The following PPM1K variants were observed in gnomAD, a reference collection of about 807,000 sequenced individuals.
PPM1K encodes the protein protein phosphatase Mn(2+)-dependent 1K.
PPM1K carries 19 observed loss-of-function variants against 32.6 expected under a neutral mutation model. The observed-to-expected ratio is 0.58, with a 90% CI of 0.41 to 0.86. PPM1K has a LOEUF of 0.86. Among genes scored for constraint, PPM1K ranks in the 40% least tolerant of loss-of-function variants. The probability of loss-of-function intolerance (pLI) is 0.00; values close to 1 mark genes in which losing one functional copy is unlikely to be tolerated. For synonymous variants in PPM1K, 159 were observed against 165.3 expected, an observed-to-expected ratio of 0.96 and a Z score of 0.29; for missense variants, 362 against 461.2, an observed-to-expected ratio of 0.78 and a Z score of 1.97.
intron 1 of PPM1K, among the ~76,000 whole-genome samples, chr4:88,282,140 T>A (rs1319974789): frequency 6.6e-6 from 1 of 152,194 alleles, no homozygotes; most frequent in African/African-American, 2.4e-5. Context: ...GAGATTTAGG[T>A]CAATTTTTTG....
intron 3 of PPM1K, among the ~76,000 whole-genome samples, chr4:88,272,994 C>T (rs541930034): frequency 1.4e-4 from 22 of 152,256 alleles, no homozygotes; most frequent in South Asian, 2.1e-4. Context: ...TCACACATGC[C>T]GGGCAGAAAA....
At chr4:88,272,455 T>G (rs1440228368) in intron 3 of PPM1K, among the ~76,000 whole-genome samples, 1 of 152,228 alleles carries the variant, frequency 6.6e-6, no homozygotes, top group Non-Finnish European at 1.5e-5. Flanking sequence ...CGGAGCTTTG[T>G]TGCTTTCAAA....
rs908231029 is a variant in PPM1K at position 88,277,202 on chromosome 4, G to A, written c.482C>T (p.Thr161Ile). 3 of 1,613,910 alleles carry A rather than the reference G, an allele frequency of 1.9e-6. No homozygotes were observed. The highest frequency in any genetic ancestry group is 1.7e-5 in the Admixed American group (1 of 59,988). ...TTTATCTATTTCTAGAAAAGCCAAG[G>A]TCAACAGAGTTTCCAAGTTCTTCTC... The part of the protein sequence containing the change: ...PKEKNLETLL[T>I]LAFLEIDKAF... Residue 161 changes from threonine to isoleucine, a missense_variant, in exon 3 of 7, where the codon ACC becomes ATC. Thr to Ile is a moderately conservative substitution (Grantham distance 89). Coordinates refer to ENST00000608933, the MANE Select transcript of PPM1K (RefSeq NM_152542.5).
intron 1 of PPM1K, chr4:88,284,024 G>C (rs959177299): frequency 6.6e-6 from 1 of 152,328 alleles, no homozygotes; most frequent in Admixed American, 6.5e-5. Flanking sequence ...CTCGCTTCCG[G>C]GGCCTCGGGC....
At chr4:88,264,664 T>A (rs1731239022) in intron 6 of PPM1K, among the ~76,000 whole-genome samples, 1 of 152,236 alleles carries the variant, frequency 6.6e-6, no homozygotes, top group Non-Finnish European at 1.5e-5. Context: ...TTGTGATGAT[T>A]ACAATATATG....
chr4:88,282,431 AG>A (rs745545962), intron 1 of PPM1K, among the ~76,000 whole-genome samples: 12 of 152,246 alleles, frequency 7.9e-5, no homozygotes, highest in Non-Finnish European at 1.6e-4. Context: ...AGTGGCATTT[AG>A]GTATCTACAA....
rs1731711792 is a variant in PPM1K, at chr4:88,275,094, ATATCT to A, written c.541+2044_541+2048del. 7.2e-6 allele frequency: 5 copies of A among 695,044 alleles called. No individual in the cohort carries two copies. The African/African-American group carries it at 7.8e-5, about 11-fold the overall frequency. 43.1% of individuals were successfully genotyped at this position (695,044 alleles called of 1,614,324 possible). On this transcript the variant is annotated intron_variant, in intron 3 of 6. Transcript: ENST00000608933. ...CATTATATGAAAAATACATTTTAAA[ATATCT>A]TAAGAATGTTCTGGGATCATTACTT... is the stretch of plus-strand genomic sequence containing the variant.
chr4:88,278,763 A>G lies in PPM1K; in HGVS notation c.-59-121T>C. 1.7e-6 allele frequency: 1 copy of G among 571,476 alleles called. No individual in the cohort carries two copies. Among genetic ancestry groups the G allele is most frequent in the Non-Finnish European group, 3.1e-6 (1 of 325,762 alleles). The allele number at this position is 571,476 out of a possible 1,614,324, so 35.4% of individuals were successfully genotyped here. On this transcript the variant is annotated intron_variant, in intron 1 of 6. Transcript: ENST00000608933. This position sits in a 1 kb window ranked among gnomAD's most constrained non-coding sequence, Gnocchi z 4.2. ...TTGAATATAACTGATATGTCATCAA[A>G]TATTACCAAAAATGAAGCTCATAAA...
intron 3 of PPM1K, among the ~76,000 whole-genome samples, chr4:88,270,347 A>G (rs939792903): frequency 6.6e-6 from 1 of 152,220 alleles, no homozygotes; most frequent in Non-Finnish European, 1.5e-5. Context: ...TTATAGTTGC[A>G]CTATCTTTCC....
intron 1 of PPM1K, among the ~76,000 whole-genome samples, chr4:88,283,287 T>C (rs550980586): frequency 6.6e-6 from 1 of 152,296 alleles, no homozygotes; most frequent in East Asian, 1.9e-4. Context: ...AATTTTTGTA[T>C]GTTTTGTAGA....
At chr4:88,276,539 T>G in intron 3 of PPM1K, 6 of 985,406 alleles carry the variant, frequency 6.1e-6, no homozygotes, top group Non-Finnish European at 7.2e-6. Context: ...AATTTTAAAT[T>G]CAGCTAGCAT....
intron 5 of PPM1K, among the ~76,000 whole-genome samples, chr4:88,266,898 G>A (rs1265658934): frequency 9.2e-5 from 14 of 151,484 alleles, no homozygotes; most frequent in Non-Finnish European, 1.3e-4. Context: ...CTGGCTGTGT[G>A]CAGGTGATGC....
rs944914872 is a variant in PPM1K at position 88,277,404 on chromosome 4, A to G, written c.441-161T>C. ...TAAGGAATACCTATTGAGAATCCAC[A>G]AAGTATCAGGCACTGTGATAAGCTT... is the stretch of plus-strand genomic sequence containing the variant. On this transcript the variant is annotated intron_variant, in intron 2 of 6. Coordinates refer to ENST00000608933, the MANE Select transcript of PPM1K (RefSeq NM_152542.5). The G allele has an allele frequency of 4.0e-5, 24 of 595,052 alleles. 1 individual carries two copies. Among genetic ancestry groups the G allele is most frequent in the South Asian group, 2.7e-4 (13 of 48,410 alleles). 36.9% of individuals were successfully genotyped at this position (595,052 alleles called of 1,614,324 possible).
chr4:88,276,702 T>C, intron 3 of PPM1K: 1 of 983,218 alleles, frequency 1.0e-6, no homozygotes, highest in Non-Finnish European at 1.2e-6. Context: ...GCAATTTTTT[T>C]CTTGTTGGAC....
rs1372166976 is a variant in PPM1K at position 88,259,271 on chromosome 4, A to AG, written c.*3323_*3324insC. The AG allele has an allele frequency of 1.3e-5, 2 of 151,938 alleles. No homozygotes were observed. The highest frequency in any genetic ancestry group is 2.9e-5 in the Non-Finnish European group (2 of 68,018). 9.4% of individuals were successfully genotyped at this position (151,938 alleles called of 1,614,324 possible). On this transcript the variant is annotated 3_prime_UTR_variant, in exon 7 of 7. Coordinates refer to ENST00000608933, the MANE Select transcript of PPM1K (RefSeq NM_152542.5). ...ACAGAGTGAGACTCCATCTCAAAAA[A>AG]AAAAAAAAAGAAATACAAAATCTGT...
chr4:88,269,807 G>C (rs1731482470), intron 3 of PPM1K, among the ~76,000 whole-genome samples: 1 of 152,110 alleles, frequency 6.6e-6, no homozygotes, highest in Admixed American at 6.5e-5. Context: ...ATTGTTACTG[G>C]GCTTGAGGTC....
At position 88,275,673 on chromosome 4, in the gene PPM1K, TACAGTCA is replaced by T. The variant is rs111254067; in HGVS notation, c.541+1463_541+1469del. On this transcript the variant is annotated intron_variant, in intron 3 of 6. Coordinates refer to ENST00000608933, the MANE Select transcript of PPM1K (RefSeq NM_152542.5). ...AACAGCTGGGGCACACCACCGACACTACAGTCAACAAACATTGTGGTGTGAGACATAG... is the reference window on the plus strand; with the variant it reads ...AACAGCTGGGGCACACCACCGACACTACAAACATTGTGGTGTGAGACATAG... The T allele has an allele frequency of 2.1e-3, 2,094 of 985,414 alleles. 25 individuals are homozygous for T. The African/African-American group carries it at 0.032, about 15-fold the overall frequency. The allele number at this position is 985,414 out of a possible 1,614,324, so 61.0% of individuals were successfully genotyped here.
intron 3 of PPM1K, among the ~76,000 whole-genome samples, chr4:88,269,146 G>A (rs1731456038): frequency 6.6e-6 from 1 of 152,200 alleles, no homozygotes; most frequent in Non-Finnish European, 1.5e-5. Context: ...AACCTTATTT[G>A]GCAAACACTG....
chr4:88,258,669 A>G lies in PPM1K; in HGVS notation c.*3926T>C, dbSNP rs1020099728. 1.3e-5 allele frequency: 2 copies of G among 152,064 alleles called. No individual in the cohort carries two copies. Among genetic ancestry groups the G allele is most frequent in the African/African-American group, 4.8e-5 (2 of 41,396 alleles). 9.4% of individuals were successfully genotyped at this position (152,064 alleles called of 1,614,324 possible). On this transcript the variant is annotated 3_prime_UTR_variant, in exon 7 of 7. Transcript: ENST00000608933. ...CCATCTTTTAGATTATGTGCTAATA[A>G]TTCTCTTTTAAGTGTTGGAACAGGG...
Sources: allele counts gnomAD v4.1 joint callset (sites outside exome capture counted in the v4.1 genomes callset), GRCh38; gene constraint gnomAD v4.1.1; non-coding constraint Gnocchi (gnomAD v3.1); transcripts MANE v1.5; gene names NCBI Gene and HGNC (gene_info 2026-07-23, HGNC 2026-07-21).